The following AGBL4 variants were observed in gnomAD, a reference collection of about 807,000 sequenced individuals.
AGBL4 encodes the protein cytosolic carboxypeptidase 6.
A neutral mutation model predicts 66.4 loss-of-function variants in AGBL4; 58 were observed. That is an observed-to-expected ratio of 0.87 (90% confidence interval 0.71 to 1.09). The LOEUF is 1.09. AGBL4 is among the 50% of genes least tolerant of loss of function. The pLI is 0.00. For missense variants in AGBL4, 579 were observed against 631.0 expected (o/e 0.92, Z 0.88); for synonymous variants, 234 against 222.9 (o/e 1.05, Z -0.44).
intron 5 of AGBL4, among the ~76,000 whole-genome samples, chr1:48,964,741 A>T (rs1390421224): frequency 2.6e-5 from 4 of 152,138 alleles, no homozygotes; most frequent in African/African-American, 7.2e-5. Flanking sequence ...AAATAAATAC[A>T]TACATACATA....
At chr1:49,948,055 TATA>T (rs1392653799) in intron 1 of AGBL4, among the ~76,000 whole-genome samples, 1 of 95,700 alleles carries the variant, frequency 1.0e-5, no homozygotes, top group Non-Finnish European at 1.8e-5. Context: ...TATATAAATA[TATA>T]TATGTAAATA....
At chr1:49,867,226 G>A (rs963733904) in intron 1 of AGBL4, among the ~76,000 whole-genome samples, 5 of 151,586 alleles carry the variant, frequency 3.3e-5, no homozygotes, top group East Asian at 3.9e-4. Context: ...CCTGTGGCTC[G>A]TCCTCTTTCC....
intron 6 of AGBL4, among the ~76,000 whole-genome samples, chr1:48,744,649 CAGTT>C (rs1201801111): frequency 2.0e-5 from 3 of 152,216 alleles, no homozygotes; most frequent in African/African-American, 7.2e-5. Flanking sequence ...GCCGTAACTT[CAGTT>C]GATTCTCTCC....
At chr1:49,144,203 C>G (rs1326212969) in intron 4 of AGBL4, among the ~76,000 whole-genome samples, 1 of 151,886 alleles carries the variant, frequency 6.6e-6, no homozygotes, top group African/African-American at 2.4e-5. Context: ...AAAAGTTTGA[C>G]CAATGTGTTG....
chr1:49,849,482 C>T (rs1239495724), intron 2 of AGBL4, among the ~76,000 whole-genome samples: 4 of 135,298 alleles, frequency 3.0e-5, no homozygotes, highest in Admixed American at 2.2e-4. Flanking sequence ...TATACATACA[C>T]ACACACACAC....
intron 6 of AGBL4, among the ~76,000 whole-genome samples, chr1:48,863,944 C>A (rs1647734806): frequency 6.6e-6 from 1 of 151,944 alleles, no homozygotes; most frequent in African/African-American, 2.4e-5. Context: ...ATAAATTCAA[C>A]TACATAAAAA....
At chr1:49,285,936 T>G (rs1644396326) in intron 3 of AGBL4, among the ~76,000 whole-genome samples, 1 of 152,176 alleles carries the variant, frequency 6.6e-6, no homozygotes, top group Non-Finnish European at 1.5e-5. Flanking sequence ...CCAATATCCT[T>G]GATGAACATT....
At chr1:48,837,711 C>CTA (rs58650623) in intron 6 of AGBL4, among the ~76,000 whole-genome samples, 6,588 of 82,078 alleles carry the variant, frequency 0.08, 423 homozygotes, top group South Asian at 0.14. Flanking sequence ...CACACACACA[C>CTA]TATATATATA....
chr1:48,867,400 A>T (rs1007993413), intron 5 of AGBL4, among the ~76,000 whole-genome samples, 170 bp from the exon 6 acceptor site: 3 of 152,162 alleles, frequency 2.0e-5, no homozygotes, highest in Non-Finnish European at 2.9e-5. Flanking sequence ...CCCTAGAGAC[A>T]AAGGGGGATG....
At chr1:49,947,968 ATATATT>A (rs1449142308) in intron 1 of AGBL4, among the ~76,000 whole-genome samples, 2 of 74,754 alleles carry the variant, frequency 2.7e-5, no homozygotes, top group African/African-American at 8.2e-5. Flanking sequence ...ATATAAATAT[ATATATT>A]TATAAATATA....
intron 1 of AGBL4, among the ~76,000 whole-genome samples, chr1:49,969,414 G>C (rs547913149): frequency 6.6e-6 from 1 of 152,072 alleles, no homozygotes; most frequent in South Asian, 2.1e-4. Flanking sequence ...ATATTTCTAA[G>C]TATACAACAC....
intron 4 of AGBL4, among the ~76,000 whole-genome samples, chr1:49,212,390 A>G (rs1293401105): frequency 6.6e-6 from 1 of 152,130 alleles, no homozygotes; most frequent in Non-Finnish European, 1.5e-5. Flanking sequence ...TGGCCATTGA[A>G]TAAGCTATTA....
At chr1:49,918,082 GGA>G (rs771220240) in intron 1 of AGBL4, among the ~76,000 whole-genome samples, 1 of 152,194 alleles carries the variant, frequency 6.6e-6, no homozygotes, top group Non-Finnish European at 1.5e-5. Context: ...CACATTTAAA[GGA>G]GTGTGTAGAG....
In AGBL4 at chr1:49,381,011, C is replaced by A. The variant is rs574643988; in HGVS notation, c.283-135147G>T. Among the ~76,000 whole-genome samples, 10 of 152,232 alleles carry A rather than the reference C, an allele frequency of 6.6e-5. No individual in the cohort carries two copies. The East Asian group carries it at 7.7e-4, about 12-fold the overall frequency. On this transcript the variant is annotated intron_variant, in intron 3 of 13. Coordinates refer to ENST00000371839, the MANE Select transcript of AGBL4 (RefSeq NM_032785.4). ...TCGACAAATGGGATCTAATTAAACT[C>A]AAGAGCTTTTGTGCAGCAAAAGAAA...
At chr1:48,807,762 G>C (rs55681920) in intron 6 of AGBL4, among the ~76,000 whole-genome samples, 76,613 of 151,958 alleles carry the variant, frequency 0.5, 21,481 homozygotes, top group Non-Finnish European at 0.65. Flanking sequence ...AGTGGAAGTT[G>C]CTTGGCAAGA....
chr1:49,086,978 C>T (rs1022012407), intron 4 of AGBL4, among the ~76,000 whole-genome samples: 9 of 151,904 alleles, frequency 5.9e-5, no homozygotes, highest in African/African-American at 2.2e-4. Context: ...ATCAACTGAA[C>T]CCCACCTTAT....
At chr1:49,614,409 T>C (rs774243392) in intron 3 of AGBL4, among the ~76,000 whole-genome samples, 3 of 152,212 alleles carry the variant, frequency 2.0e-5, no homozygotes, top group Non-Finnish European at 4.4e-5. Flanking sequence ...CTCAATGCTG[T>C]ATGGTATTCC....
intron 4 of AGBL4, among the ~76,000 whole-genome samples, chr1:49,215,430 T>C (rs1414761027): frequency 6.6e-6 from 1 of 152,142 alleles, no homozygotes; most frequent in Non-Finnish European, 1.5e-5. Context: ...CAGCCTCTGT[T>C]TTTTTGCTGA....
intron 3 of AGBL4, among the ~76,000 whole-genome samples, chr1:49,661,930 G>A (rs949986614): frequency 2.6e-5 from 4 of 151,972 alleles, no homozygotes; most frequent in African/African-American, 9.7e-5. Context: ...CTATCAACAG[G>A]TGAATGGATA....
Sources: allele counts gnomAD v4.1 joint callset (sites outside exome capture counted in the v4.1 genomes callset), GRCh38; gene constraint gnomAD v4.1.1; transcripts MANE v1.5; gene names NCBI Gene and HGNC (gene_info 2026-07-23, HGNC 2026-07-21).